Variants in CPA6 observed in about 807,000 individuals in gnomAD.
CPA6 encodes carboxypeptidase A6, also known as carboxypeptidase B.
In CPA6, 58 loss-of-function variants were observed where a neutral mutation model predicts 63.3. The observed-to-expected ratio is 0.92, with a 90% confidence interval of 0.74 to 1.14. The LOEUF (loss-of-function observed/expected upper bound fraction) is 1.14. Among genes scored for constraint, CPA6 ranks in the 50% most tolerant of loss-of-function variants. The pLI is 0.00. For synonymous variants in CPA6, 185 were observed against 179.0 expected, an observed-to-expected ratio of 1.03 and a Z score of -0.27; for missense variants, 565 against 526.6, an observed-to-expected ratio of 1.07 and a Z score of -0.71.
At chr8:67,706,951 A>G (rs577463885) in intron 1 of CPA6, among the ~76,000 whole-genome samples, 228 of 152,310 alleles carry the variant, frequency 1.5e-3, no homozygotes, top group Non-Finnish European at 2.2e-3. Context: ...CAAAATTCTT[A>G]TAATTCTGAT....
At chr8:67,586,105 G>C (rs1227800810) in intron 2 of CPA6, among the ~76,000 whole-genome samples, 1 of 152,166 alleles carries the variant, frequency 6.6e-6, no homozygotes, top group African/African-American at 2.4e-5. Flanking sequence ...TTATGGAGGA[G>C]TAGGCAATAA....
chr8:67,493,424 TCTC>T (rs1487411396), intron 6 of CPA6, among the ~76,000 whole-genome samples: 1 of 152,238 alleles, frequency 6.6e-6, no homozygotes, highest in African/African-American at 2.4e-5. Flanking sequence ...TTGGAGGACT[TCTC>T]CTACAACCAC....
chr8:67,482,191 A>G (rs115879702), intron 8 of CPA6, among the ~76,000 whole-genome samples: 2,067 of 152,368 alleles, frequency 0.014, 56 homozygotes, highest in African/African-American at 0.045. Flanking sequence ...TTACATAGGC[A>G]GAGCTGGCTG....
At chr8:67,568,314 C>T (rs1057492927) in intron 2 of CPA6, among the ~76,000 whole-genome samples, 6 of 152,094 alleles carry the variant, frequency 3.9e-5, no homozygotes, top group African/African-American at 1.2e-4. Context: ...CAGCAATGGA[C>T]CCTAGAGAAA....
intron 8 of CPA6, among the ~76,000 whole-genome samples, chr8:67,475,420 A>G (rs1205082015): frequency 6.6e-6 from 1 of 152,258 alleles, no homozygotes; most frequent in Non-Finnish European, 1.5e-5. Flanking sequence ...TGCTACAAAC[A>G]CATCTAAAAT....
At position 67,509,596 on chromosome 8, in the gene CPA6, A is replaced by G; in HGVS notation, c.455T>C (p.Leu152Pro). The change falls in exon 5 of 11, where the codon CTG (leucine) becomes CCG (proline). Residue 152 changes from leucine to proline, a missense_variant. By Grantham distance (98) the Leu-to-Pro change is moderately conservative. Coordinates refer to ENST00000297770, the MANE Select transcript of CPA6 (RefSeq NM_020361.5). ...LEEIQNWMHH[L>P]NKTHSGLIHM... ...AATGAGGCCTGAGTGAGTTTTATTC[A>G]GATGATGCATCCAATTTTGAATCTA... The G allele has an allele frequency of 6.3e-7, 1 of 1,586,244 alleles. No homozygotes were observed. The highest frequency in any genetic ancestry group is 8.6e-7 in the Non-Finnish European group (1 of 1,159,326).
chr8:67,451,940 G>T (rs540326291), intron 8 of CPA6, among the ~76,000 whole-genome samples: 5 of 152,196 alleles, frequency 3.3e-5, no homozygotes, highest in African/African-American at 1.2e-4. Flanking sequence ...TTTGTATATG[G>T]GCAATAAGTC....
chr8:67,468,729 T>G (rs1810987335), intron 8 of CPA6, among the ~76,000 whole-genome samples: 1 of 152,192 alleles, frequency 6.6e-6, no homozygotes, highest in Admixed American at 6.5e-5. Context: ...CCAGTTTGAA[T>G]AACATGGCTT....
At chr8:67,594,545 T>C (rs1342373928) in intron 2 of CPA6, among the ~76,000 whole-genome samples, 1 of 152,226 alleles carries the variant, frequency 6.6e-6, no homozygotes, top group Non-Finnish European at 1.5e-5. Context: ...ATTTGGTCTT[T>C]TCACGTAGTC....
At chr8:67,560,030 C>G (rs908887831) in intron 2 of CPA6, among the ~76,000 whole-genome samples, 3 of 151,920 alleles carry the variant, frequency 2.0e-5, no homozygotes, top group African/African-American at 7.2e-5. Context: ...GCACCTTGAT[C>G]TTGGATTACC....
At chr8:67,719,515 G>A (rs1817450620) in intron 1 of CPA6, among the ~76,000 whole-genome samples, 1 of 152,172 alleles carries the variant, frequency 6.6e-6, no homozygotes, top group Admixed American at 6.5e-5. Flanking sequence ...AATGAGTTTG[G>A]ACTTGATTCT....
chr8:67,633,068 G>T (rs1432482841), intron 1 of CPA6, among the ~76,000 whole-genome samples: 1 of 152,022 alleles, frequency 6.6e-6, no homozygotes, highest in Admixed American at 6.6e-5. Flanking sequence ...AAAAACTTTT[G>T]ATTCATATAT....
At chr8:67,653,233 T>A (rs1358603335) in intron 1 of CPA6, among the ~76,000 whole-genome samples, 1 of 152,078 alleles carries the variant, frequency 6.6e-6, no homozygotes, top group Non-Finnish European at 1.5e-5. Flanking sequence ...GGCTCTTTTT[T>A]GGTTCCATAT....
intron 1 of CPA6, among the ~76,000 whole-genome samples, chr8:67,635,744 G>A (rs1171334377): frequency 6.6e-6 from 1 of 151,640 alleles, no homozygotes; most frequent in Admixed American, 6.5e-5. Flanking sequence ...TCCAGCCTGG[G>A]CAACAAAGAG....
intron 3 of CPA6, among the ~76,000 whole-genome samples, chr8:67,516,944 G>A (rs1280810968): frequency 1.3e-5 from 2 of 151,856 alleles, no homozygotes; most frequent in South Asian, 2.1e-4. Context: ...TTACAGGCAC[G>A]TACCACTACA....
chr8:67,717,176 A>G (rs1179615752), intron 1 of CPA6, among the ~76,000 whole-genome samples: 1 of 152,204 alleles, frequency 6.6e-6, no homozygotes, highest in Non-Finnish European at 1.5e-5. Flanking sequence ...AGCCTGCAAC[A>G]GAGGGAATAG....
intron 1 of CPA6, among the ~76,000 whole-genome samples, chr8:67,690,571 C>T (rs1429552149): frequency 6.6e-6 from 1 of 152,094 alleles, no homozygotes; most frequent in South Asian, 2.1e-4. Context: ...AGAGTCAGAA[C>T]TCCTGAAATT....
At chr8:67,444,584 G>T (rs1810371615) in intron 8 of CPA6, among the ~76,000 whole-genome samples, 1 of 151,700 alleles carries the variant, frequency 6.6e-6, no homozygotes, top group Non-Finnish European at 1.5e-5. Flanking sequence ...GGGAGTTCGA[G>T]ATCAGTCTGA....
intron 8 of CPA6, among the ~76,000 whole-genome samples, chr8:67,462,721 G>A (rs910673165): frequency 2.6e-5 from 4 of 152,226 alleles, no homozygotes; most frequent in South Asian, 4.1e-4. Context: ...GTATCAATAC[G>A]TCCAAGTTAG....
Sources: allele counts gnomAD v4.1 joint callset (sites outside exome capture counted in the v4.1 genomes callset), GRCh38; gene constraint gnomAD v4.1.1; transcripts MANE v1.5; gene names NCBI Gene and HGNC (gene_info 2026-07-23, HGNC 2026-07-21).